The following XYLT1 variants were observed in gnomAD, a reference collection of about 807,000 sequenced individuals.
The protein encoded by XYLT1 is beta-D-xylosyltransferase 1.
Under a neutral mutation model 91.3 loss-of-function variants are expected in XYLT1, and 36 were observed. The observed-to-expected ratio is 0.39, with a 90% CI of 0.30 to 0.52. The LOEUF is 0.52. XYLT1 is among the 20% of genes least tolerant of loss of function. XYLT1 has a pLI of 0.68. For missense variants in XYLT1, 1,242 were observed against 1,284.5 expected (o/e 0.97, Z 0.51); for synonymous variants, 588 against 532.0 (o/e 1.11, Z -1.45).
At chr16:17,449,057 T>C (rs1198843185) in intron 1 of XYLT1, among the ~76,000 whole-genome samples, 2 of 152,200 alleles carry the variant, frequency 1.3e-5, no homozygotes, top group African/African-American at 4.8e-5. Flanking sequence ...GAGGGACGTT[T>C]TGGTGGAGAA....
At chr16:17,123,678 CT>C (rs1756883975) in intron 10 of XYLT1, among the ~76,000 whole-genome samples, 4 of 152,258 alleles carry the variant, frequency 2.6e-5, no homozygotes, top group African/African-American at 7.2e-5. Context: ...CTGTAAGTAC[CT>C]GTTAAGTCCA....
Position 17,200,334 on chromosome 16 carries a change from A to T in XYLT1, c.1086+148T>A, listed in dbSNP as rs1260886384. On this transcript the variant is annotated intron_variant, in intron 4 of 11. Transcript: ENST00000261381. Reference sequence around the variant, plus strand: ...CACATAGAGACAGCACTCTAGGGCCACACGCTCTGTGGAGAGGCAGCTGGT... The same window carrying T: ...CACATAGAGACAGCACTCTAGGGCCTCACGCTCTGTGGAGAGGCAGCTGGT... 3.1e-6 allele frequency: 3 copies of T among 952,736 alleles called. No individual in the cohort carries two copies. The African/African-American group carries it at 4.9e-5, about 16-fold the overall frequency. The allele number at this position is 952,736 out of a possible 1,614,324, so 59.0% of individuals were successfully genotyped here.
chr16:17,438,031 G>C (rs779111049), intron 1 of XYLT1, among the ~76,000 whole-genome samples: 3 of 152,174 alleles, frequency 2.0e-5, no homozygotes, highest in Non-Finnish European at 4.4e-5. Context: ...TTCAGGAAGA[G>C]AGAAAGGATT....
intron 1 of XYLT1, among the ~76,000 whole-genome samples, chr16:17,382,993 C>A (rs1285715077): frequency 6.6e-6 from 1 of 151,754 alleles, no homozygotes; most frequent in African/African-American, 2.4e-5. Context: ...CTACCCAGTC[C>A]CATCTCCCAA....
At chr16:17,414,912 G>A (rs866442837) in intron 1 of XYLT1, among the ~76,000 whole-genome samples, 1 of 152,138 alleles carries the variant, frequency 6.6e-6, no homozygotes. Flanking sequence ...CTGTGTGGAC[G>A]GTAACTGCGA....
intron 1 of XYLT1, among the ~76,000 whole-genome samples, chr16:17,440,207 C>G (rs2036514845): frequency 6.6e-6 from 1 of 152,198 alleles, no homozygotes; most frequent in Admixed American, 6.5e-5. Flanking sequence ...CAAATCCTCC[C>G]CAGTAGAACT....
chr16:17,279,673 A>G (rs1041908939), intron 2 of XYLT1, among the ~76,000 whole-genome samples: 1 of 152,326 alleles, frequency 6.6e-6, no homozygotes, highest in Middle Eastern at 3.4e-3. Context: ...CTTCTTCAGC[A>G]TCTGGCTTCA....
At chr16:17,402,830 C>T (rs2035986942) in intron 1 of XYLT1, among the ~76,000 whole-genome samples, 1 of 151,412 alleles carries the variant, frequency 6.6e-6, no homozygotes, top group Non-Finnish European at 1.5e-5. Flanking sequence ...GAAACCTCAA[C>T]CTCCTGGGCT....
At chr16:17,180,576 G>A (rs1597173245) in intron 5 of XYLT1, among the ~76,000 whole-genome samples, 1 of 152,150 alleles carries the variant, frequency 6.6e-6, no homozygotes, top group African/African-American at 2.4e-5. Flanking sequence ...GACGGGTGAT[G>A]GCTTTTAGGG....
intron 3 of XYLT1, among the ~76,000 whole-genome samples, chr16:17,256,743 T>C (rs544913200): frequency 6.6e-6 from 1 of 152,346 alleles, no homozygotes; most frequent in East Asian, 1.9e-4. Context: ...TTGCTGCACT[T>C]CCTTTCTTCA....
At chr16:17,222,750 A>G (rs1296868346) in intron 3 of XYLT1, among the ~76,000 whole-genome samples, 2 of 146,360 alleles carry the variant, frequency 1.4e-5, no homozygotes, top group South Asian at 2.2e-4. Context: ...GGATCGTGCC[A>G]CAGCACTCCA....
intron 1 of XYLT1, among the ~76,000 whole-genome samples, chr16:17,459,414 C>G (rs1351132505): frequency 6.6e-6 from 1 of 152,136 alleles, no homozygotes; most frequent in Non-Finnish European, 1.5e-5. Context: ...AAATGTTGTA[C>G]AGATACGAAT....
chr16:17,208,791 C>T (rs893827147), intron 3 of XYLT1, among the ~76,000 whole-genome samples: 1 of 152,156 alleles, frequency 6.6e-6, no homozygotes, highest in African/African-American at 2.4e-5. Flanking sequence ...GTGGCACAAT[C>T]TCGGCTCACT....
At chr16:17,209,811 A>T (rs1001765238) in intron 3 of XYLT1, among the ~76,000 whole-genome samples, 3 of 152,252 alleles carry the variant, frequency 2.0e-5, no homozygotes, top group Non-Finnish European at 2.9e-5. Flanking sequence ...CGCCCATCAC[A>T]CTTGAACTTG....
chr16:17,420,760 T>A (rs1276192357), intron 1 of XYLT1, among the ~76,000 whole-genome samples: 1 of 152,224 alleles, frequency 6.6e-6, no homozygotes, highest in African/African-American at 2.4e-5. Context: ...ACCATATTTT[T>A]AAAGGGAGAC....
chr16:17,241,343 C>A (rs1311193711), intron 3 of XYLT1, among the ~76,000 whole-genome samples: 1 of 152,226 alleles, frequency 6.6e-6, no homozygotes, highest in Non-Finnish European at 1.5e-5. Context: ...AACAGCACCT[C>A]TAAATTCTCC....
At chr16:17,115,312 T>TTAA (rs1397455345) in intron 11 of XYLT1, among the ~76,000 whole-genome samples, 3 of 48,844 alleles carry the variant, frequency 6.1e-5, no homozygotes, top group Non-Finnish European at 1.1e-4. Flanking sequence ...CAAAAATAGT[T>TTAA]AAAAAAAAAA....
chr16:17,290,716 A>G (rs1185353402), intron 2 of XYLT1, among the ~76,000 whole-genome samples: 1 of 152,256 alleles, frequency 6.6e-6, no homozygotes, highest in Non-Finnish European at 1.5e-5. Context: ...CTGAGGCCAA[A>G]GTCCAAGGCC....
At chr16:17,314,158 G>A (rs1184820304) in intron 2 of XYLT1, among the ~76,000 whole-genome samples, 9 of 152,154 alleles carry the variant, frequency 5.9e-5, no homozygotes, top group African/African-American at 2.2e-4. Context: ...AATCATTTCA[G>A]GAGCTCCAAA....
Sources: gnomAD v4.1 joint callset for allele counts (sites outside exome capture counted in the v4.1 genomes callset) on GRCh38, gnomAD v4.1.1 for gene constraint, MANE v1.5 for transcripts, NCBI Gene and HGNC (gene_info 2026-07-23, HGNC 2026-07-21) for gene names.